Variants in HNF4G observed in about 807,000 individuals in gnomAD.
HNF4G encodes hepatocyte nuclear factor 4 gamma.
In HNF4G, 21 loss-of-function variants were observed where a neutral mutation model predicts 50.9. The ratio of observed to expected loss-of-function variants is 0.41; its 90% CI spans 0.29 to 0.59. HNF4G has a LOEUF of 0.59. HNF4G is among the 20% of genes least tolerant of loss of function. HNF4G has a pLI of 0.26. For missense variants in HNF4G, 527 were observed against 559.4 expected (o/e 0.94, Z 0.58); for synonymous variants, 198 against 185.6 (o/e 1.07, Z -0.54).
chr8:75,434,490 C>G (rs960406271), intron 1 of HNF4G, among the ~76,000 whole-genome samples: 11 of 151,438 alleles, frequency 7.3e-5, no homozygotes, highest in Non-Finnish European at 1.5e-5. Flanking sequence ...AGATAAACAA[C>G]TAAAGAAGTC....
intron 2 of HNF4G, among the ~76,000 whole-genome samples, chr8:75,508,034 A>T (rs1259771192): frequency 2.0e-5 from 3 of 152,154 alleles, no homozygotes; most frequent in Admixed American, 2.0e-4. Flanking sequence ...AAAAAAGATA[A>T]AAGCGAGAAG....
At chr8:75,542,531 C>T (rs954698007) in intron 1 of HNF4G, among the ~76,000 whole-genome samples, 3 of 102,338 alleles carry the variant, frequency 2.9e-5, no homozygotes, top group Non-Finnish European at 5.4e-5. Flanking sequence ...CCTTCAATGA[C>T]GACGAAAAAA....
intron 2 of HNF4G, among the ~76,000 whole-genome samples, chr8:75,493,294 C>A (rs1345614739): frequency 6.6e-6 from 1 of 151,982 alleles, no homozygotes; most frequent in Non-Finnish European, 1.5e-5. Context: ...AGTTTCATGT[C>A]CTGGGAAGAA....
chr8:75,541,760 A>G (rs906267718), intron 1 of HNF4G, among the ~76,000 whole-genome samples: 2 of 152,024 alleles, frequency 1.3e-5, no homozygotes, highest in Non-Finnish European at 2.9e-5. Flanking sequence ...TAACTCATTT[A>G]AGAAATATTC....
chr8:75,562,563 A>G (rs908467364), intron 9 of HNF4G, among the ~76,000 whole-genome samples: 1 of 152,166 alleles, frequency 6.6e-6, no homozygotes, highest in African/African-American at 2.4e-5. Flanking sequence ...ACAAAATAAA[A>G]CACATTAACA....
At chr8:75,516,192 A>G (rs912069709) in intron 2 of HNF4G, among the ~76,000 whole-genome samples, 1 of 152,264 alleles carries the variant, frequency 6.6e-6, no homozygotes, top group African/African-American at 2.4e-5. Flanking sequence ...TTGAAACATA[A>G]ATTAATCTTT....
At chr8:75,417,986 CAT>C (rs996054793) in intron 1 of HNF4G, among the ~76,000 whole-genome samples, 22 of 148,010 alleles carry the variant, frequency 1.5e-4, no homozygotes, top group African/African-American at 5.3e-4. Flanking sequence ...CACACACACA[CAT>C]ATATTTTAGG....
rs80316207 is a variant in HNF4G at position 75,489,568 on chromosome 8, A to G, written c.-143-521A>G. On this transcript the variant is annotated intron_variant, in intron 1 of 10. Transcript: ENST00000354370. Reference sequence around the variant, plus strand: ...ACTGCTTTATAGTTACATTCAATTGAACTCTATAACTTTCTGATTTAATAA... The same window carrying G: ...ACTGCTTTATAGTTACATTCAATTGGACTCTATAACTTTCTGATTTAATAA... Among the ~76,000 whole-genome samples the G allele has an allele frequency of 6.5e-3, 986 of 152,250 alleles. 56 individuals carry two copies. The East Asian group carries it at 0.15, about 23-fold the overall frequency.
intron 3 of HNF4G, among the ~76,000 whole-genome samples, chr8:75,548,954 T>G (rs1387090127): frequency 1.3e-5 from 2 of 152,216 alleles, no homozygotes; most frequent in African/African-American, 4.8e-5. Context: ...GTGATTTATT[T>G]CTAATTTCAT....
intron 2 of HNF4G, among the ~76,000 whole-genome samples, chr8:75,545,812 A>G (rs1806761906): frequency 6.6e-6 from 1 of 152,030 alleles, no homozygotes; most frequent in Non-Finnish European, 1.5e-5. Flanking sequence ...TAATCCCTAC[A>G]CCAGGATCTT....
At chr8:75,523,419 T>C (rs1318293797) in intron 2 of HNF4G, among the ~76,000 whole-genome samples, 2 of 152,234 alleles carry the variant, frequency 1.3e-5, no homozygotes, top group Non-Finnish European at 2.9e-5. Flanking sequence ...ATGACTGCAA[T>C]GCCTCCTTTT....
chr8:75,445,943 A>G (rs1222427487), intron 1 of HNF4G, among the ~76,000 whole-genome samples: 1 of 19,570 alleles, frequency 5.1e-5, no homozygotes, highest in Non-Finnish European at 8.9e-5. Context: ...GGCCAGCATC[A>G]TTCTGATACC....
intron 2 of HNF4G, among the ~76,000 whole-genome samples, chr8:75,491,706 C>T (rs117081195): frequency 0.05 from 7,615 of 152,220 alleles, 263 homozygotes; most frequent in Non-Finnish European, 0.072. Flanking sequence ...AAATACCTGA[C>T]CTCGGGTGAT....
intron 1 of HNF4G, among the ~76,000 whole-genome samples, chr8:75,476,165 T>A (rs569456854): frequency 6.8e-4 from 103 of 152,246 alleles, no homozygotes; most frequent in Non-Finnish European, 1.3e-3. Context: ...CCATTGTTTA[T>A]CTCCCACTTA....
chr8:75,515,676 C>G (rs779297208), intron 2 of HNF4G, among the ~76,000 whole-genome samples: 2 of 152,088 alleles, frequency 1.3e-5, no homozygotes, highest in Non-Finnish European at 2.9e-5. Flanking sequence ...GGCTCAAACA[C>G]AGAGAATAAA....
At chr8:75,451,202 G>GT (rs1206860019) in intron 1 of HNF4G, among the ~76,000 whole-genome samples, 3 of 151,318 alleles carry the variant, frequency 2.0e-5, no homozygotes, top group Non-Finnish European at 4.4e-5. Context: ...GTTTTGTTTT[G>GT]TTTTTTGTCT....
intron 1 of HNF4G, among the ~76,000 whole-genome samples, chr8:75,482,030 A>C (rs1010660952): frequency 6.6e-6 from 1 of 152,198 alleles, no homozygotes; most frequent in Non-Finnish European, 1.5e-5. Context: ...TGAAGTTTTT[A>C]AAAATCTAGT....
intron 2 of HNF4G, among the ~76,000 whole-genome samples, chr8:75,504,497 CATATATACACATAT>C (rs1813022656): frequency 7.4e-6 from 1 of 136,012 alleles, no homozygotes. Context: ...CACTTACAAA[CATATATACACATAT>C]ACATATACTT....
At chr8:75,433,432 A>G (rs913479662) in intron 1 of HNF4G, among the ~76,000 whole-genome samples, 1 of 150,676 alleles carries the variant, frequency 6.6e-6, no homozygotes, top group Non-Finnish European at 1.5e-5. Context: ...AAAAAAAAAG[A>G]AAGAAACTTT....
Sources: allele counts gnomAD v4.1 joint callset (sites outside exome capture counted in the v4.1 genomes callset), GRCh38; gene constraint gnomAD v4.1.1; transcripts MANE v1.5; gene names NCBI Gene and HGNC (gene_info 2026-07-23, HGNC 2026-07-21).